Variants in AGAP1 observed in about 807,000 individuals in gnomAD.
AGAP1 encodes arf-GAP with GTPase, ANK repeat and PH domain-containing protein 1.
Under a neutral mutation model 105.3 loss-of-function variants are expected in AGAP1, and 29 were observed. The observed-to-expected ratio is 0.28, with a 90% CI of 0.21 to 0.38. The LOEUF (loss-of-function observed/expected upper bound fraction) is 0.38, where lower values mean the gene tolerates loss of function less well. Ranked by LOEUF, AGAP1 falls within the 10% of genes least tolerant of loss-of-function variation. AGAP1 has a pLI of 1.00. For missense variants in AGAP1, 998 were observed against 1,165.1 expected (o/e 0.86, Z 2.09); for synonymous variants, 509 against 485.9 (o/e 1.05, Z -0.63).
At chr2:236,065,250 T>C (rs1576212555) in intron 16 of AGAP1, among the ~76,000 whole-genome samples, 1 of 152,330 alleles carries the variant, frequency 6.6e-6, no homozygotes, top group East Asian at 1.9e-4. Flanking sequence ...GGAAGTTCAA[T>C]AACTTATTCG....
chr2:235,688,631 G>T (rs907477723), intron 1 of AGAP1, among the ~76,000 whole-genome samples: 1 of 152,164 alleles, frequency 6.6e-6, no homozygotes, highest in Non-Finnish European at 1.5e-5. Context: ...AGTGGGAATT[G>T]GAATTTTTTC....
intron 1 of AGAP1, among the ~76,000 whole-genome samples, chr2:235,508,574 T>G (rs1361785704): frequency 6.6e-6 from 1 of 152,108 alleles, no homozygotes; most frequent in African/African-American, 2.4e-5. Flanking sequence ...TTTGATTACA[T>G]GAGGAGGAGG....
At chr2:235,863,706 C>T (rs1195037276) in intron 9 of AGAP1, among the ~76,000 whole-genome samples, 1 of 152,248 alleles carries the variant, frequency 6.6e-6, no homozygotes, top group Non-Finnish European at 1.5e-5. Context: ...CAATGCAAGG[C>T]AGCAGCATGG....
chr2:235,844,223 G>T (rs1198488182), intron 9 of AGAP1, among the ~76,000 whole-genome samples: 1 of 152,160 alleles, frequency 6.6e-6, no homozygotes, highest in Admixed American at 6.5e-5. Context: ...CATCTTGAAT[G>T]TTCTAAACAA....
At position 235,709,387 on chromosome 2, in the gene AGAP1, G is replaced by A. The variant is rs1249009186; in HGVS notation, c.222+150G>A. ...TTCCTGGGAAGGGCCAGGTATAGTT[G>A]ATAGCTTGGGACTAGAGTCCAAGTT... On this transcript the variant is annotated intron_variant, in intron 2 of 17. Coordinates refer to ENST00000304032, the MANE Select transcript of AGAP1 (RefSeq NM_001037131.3). The A allele has an allele frequency of 4.5e-6, 4 of 891,076 alleles. No individual in the cohort carries two copies. In the Admixed American group the frequency reaches 8.3e-5, roughly 19 times the overall value. 55.2% of individuals were successfully genotyped at this position (891,076 alleles called of 1,614,324 possible).
chr2:236,031,496 A>G (rs1431516674), intron 13 of AGAP1, among the ~76,000 whole-genome samples: 1 of 152,124 alleles, frequency 6.6e-6, no homozygotes, highest in East Asian at 1.9e-4. Context: ...AGCTGCCTTC[A>G]TTGAGAACAC....
Position 235,824,079 on chromosome 2 carries a change from C to CT in AGAP1, c.1050+16750dup, listed in dbSNP as rs1007549751. Among the ~76,000 whole-genome samples the CT allele has an allele frequency of 2.6e-5, 4 of 152,232 alleles. No individual in the cohort carries two copies. The highest frequency in any genetic ancestry group is 9.7e-5 in the African/African-American group (4 of 41,450). On this transcript the variant is annotated intron_variant, in intron 9 of 17. Coordinates refer to ENST00000304032, the MANE Select transcript of AGAP1 (RefSeq NM_001037131.3). The surrounding 1 kb of genome is among the most constrained non-coding windows in gnomAD (Gnocchi z 5.2). ...ACCGAGCTCCCAGTATGTAACTTAA[C>CT]TTATATATAACTTAACATTCTGTTT... is the stretch of plus-strand genomic sequence containing the variant.
chr2:235,602,662 C>T (rs1225145361), intron 1 of AGAP1, among the ~76,000 whole-genome samples: 2 of 152,130 alleles, frequency 1.3e-5, no homozygotes, highest in African/African-American at 2.4e-5. Flanking sequence ...TCCTCTTATC[C>T]TGTTTCCATT....
At chr2:235,527,514 G>A (rs1430437888) in intron 1 of AGAP1, among the ~76,000 whole-genome samples, 1 of 152,182 alleles carries the variant, frequency 6.6e-6, no homozygotes, top group Non-Finnish European at 1.5e-5. Flanking sequence ...GGGACTACAG[G>A]TGTGCACCAT....
chr2:235,916,939 C>T (rs2051914529), intron 11 of AGAP1, among the ~76,000 whole-genome samples: 1 of 152,212 alleles, frequency 6.6e-6, no homozygotes, highest in South Asian at 2.1e-4. Context: ...AAATGCTCTT[C>T]TGGACTTTCA....
In AGAP1 at chr2:235,744,019, C is replaced by T. The variant is rs1952742034; in HGVS notation, c.397-679C>T. On this transcript the variant is annotated intron_variant, in intron 4 of 17. Coordinates refer to ENST00000304032, the MANE Select transcript of AGAP1 (RefSeq NM_001037131.3). This position sits in a 1 kb window ranked among gnomAD's most constrained non-coding sequence, Gnocchi z 5.2. ...GAGGATGTGATGTAGGTTCAACTGG[C>T]AAGACAAGAATAAAATGAATACGGC... Among the ~76,000 whole-genome samples the T allele has an allele frequency of 6.6e-6, 1 of 152,150 alleles. No homozygotes were observed. Among genetic ancestry groups the T allele is most frequent in the African/African-American group, 2.4e-5 (1 of 41,434 alleles).
At chr2:235,832,892 G>C (rs1281984151) in intron 9 of AGAP1, among the ~76,000 whole-genome samples, 2 of 152,198 alleles carry the variant, frequency 1.3e-5, no homozygotes, top group African/African-American at 2.4e-5. Context: ...AAGGAGGCTG[G>C]TCTCTCCCCT....
intron 6 of AGAP1, among the ~76,000 whole-genome samples, chr2:235,758,095 T>C (rs1466298096): frequency 6.6e-6 from 1 of 152,170 alleles, no homozygotes; most frequent in Non-Finnish European, 1.5e-5. Context: ...TGCTATTTTT[T>C]TCTCCTTTAT....
chr2:235,915,456 C>T (rs903140932), intron 11 of AGAP1, among the ~76,000 whole-genome samples: 2 of 132,614 alleles, frequency 1.5e-5, no homozygotes, highest in Non-Finnish European at 3.2e-5. Flanking sequence ...AGGCAGATCC[C>T]CTGAGCCCAA....
chr2:235,740,433 A>G lies in AGAP1; in HGVS notation c.311-530A>G, dbSNP rs955366160. Among the ~76,000 whole-genome samples, 1 of 152,112 alleles carries G rather than the reference A, an allele frequency of 6.6e-6. No individual in the cohort carries two copies. Among genetic ancestry groups the G allele is most frequent in the Non-Finnish European group, 1.5e-5 (1 of 68,030 alleles). On this transcript the variant is annotated intron_variant, in intron 3 of 17. Transcript: ENST00000304032. The surrounding 1 kb of genome is among the most constrained non-coding windows in gnomAD (Gnocchi z 5.7). The stretch of plus-strand genomic sequence containing the variant: ...CTGTCTAACCCATGTGTAGTAGTGA[A>G]GCGTCCCTCCCTAATTGTGGCCTGT...
At position 235,971,098 on chromosome 2, in the gene AGAP1, C is replaced by G. The variant is rs2054623446; in HGVS notation, c.1645+2475C>G. Among the ~76,000 whole-genome samples the G allele has an allele frequency of 6.6e-6, 1 of 152,216 alleles. No individual in the cohort carries two copies. The highest frequency in any genetic ancestry group is 1.5e-5 in the Non-Finnish European group (1 of 68,040). On this transcript the variant is annotated intron_variant, in intron 13 of 17. Coordinates refer to ENST00000304032, the MANE Select transcript of AGAP1 (RefSeq NM_001037131.3). The surrounding 1 kb of genome is among the most constrained non-coding windows in gnomAD (Gnocchi z 4.8). ...GAGGTTCCAAGGGAGCCACCTCACT[C>G]TCTAATTAGGAGAGTCTGGTCTCTA...
chr2:235,545,957 C>T (rs1943609057), intron 1 of AGAP1, among the ~76,000 whole-genome samples: 6 of 152,218 alleles, frequency 3.9e-5, no homozygotes, highest in Admixed American at 3.9e-4. Context: ...GGTACCCCAC[C>T]CTTCGCCCCT....
rs974252621 is a variant in AGAP1 at position 235,586,705 on chromosome 2, C to T, written c.163+91856C>T. ...AGGACTGCCCCGTACAGTACGGCTT[C>T]TATGTGTGAACAACACAGACCACTA... On this transcript the variant is annotated intron_variant, in intron 1 of 17. Coordinates refer to ENST00000304032, the MANE Select transcript of AGAP1 (RefSeq NM_001037131.3). The surrounding 1 kb of genome is among the most constrained non-coding windows in gnomAD (Gnocchi z 4.2). Among the ~76,000 whole-genome samples, 3 of 152,166 alleles carry T rather than the reference C, an allele frequency of 2.0e-5. No individual in the cohort carries two copies. The highest frequency in any genetic ancestry group is 2.0e-4 in the Admixed American group (3 of 15,268).
Position 236,020,310 on chromosome 2 carries a change from G to A in AGAP1, c.1646-16251G>A, listed in dbSNP as rs1317130599. Among the ~76,000 whole-genome samples the A allele has an allele frequency of 1.3e-5, 2 of 152,152 alleles. No individual in the cohort carries two copies. The highest frequency in any genetic ancestry group is 2.9e-5 in the Non-Finnish European group (2 of 68,036). ...CTCTGTTTTCAAAGAAAATTGCAGT[G>A]TTTGAACGTTGTTTATGTAGCCAGG... On this transcript the variant is annotated intron_variant, in intron 13 of 17. Coordinates refer to ENST00000304032, the MANE Select transcript of AGAP1 (RefSeq NM_001037131.3). This position sits in a 1 kb window ranked among gnomAD's most constrained non-coding sequence, Gnocchi z 5.0.
Sources: allele counts gnomAD v4.1 joint callset (sites outside exome capture counted in the v4.1 genomes callset), GRCh38; gene constraint gnomAD v4.1.1; non-coding constraint Gnocchi (gnomAD v3.1); transcripts MANE v1.5; gene names NCBI Gene and HGNC (gene_info 2026-07-23, HGNC 2026-07-21).